Variants in DLG2 observed in about 807,000 individuals in gnomAD.
DLG2 encodes disks large homolog 2.
In DLG2, 45 loss-of-function variants were observed where a neutral mutation model predicts 132.5. That is an observed-to-expected ratio of 0.34 (90% CI 0.27 to 0.44). The LOEUF (loss-of-function observed/expected upper bound fraction) is 0.44, where lower values mean the gene tolerates loss of function less well. DLG2 is among the 20% of genes least tolerant of loss of function. DLG2 has a pLI of 1.00. For missense variants in DLG2, 1,045 were observed against 1,196.9 expected (o/e 0.87, Z 1.87); for synonymous variants, 424 against 419.6 (o/e 1.01, Z -0.13).
At chr11:84,493,905 G>T (rs995289864) in intron 7 of DLG2, among the ~76,000 whole-genome samples, 11 of 152,126 alleles carry the variant, frequency 7.2e-5, no homozygotes, top group Non-Finnish European at 1.6e-4. Flanking sequence ...GCTGAGGTAA[G>T]TATCTTGGCC....
intron 6 of DLG2, among the ~76,000 whole-genome samples, chr11:84,757,438 C>T (rs933035110): frequency 2.6e-5 from 4 of 152,024 alleles, no homozygotes; most frequent in Non-Finnish European, 4.4e-5. Context: ...ACATACACAC[C>T]TTTTATCACA....
At chr11:83,939,380 A>C (rs576336575) in intron 14 of DLG2, among the ~76,000 whole-genome samples, 57 of 152,238 alleles carry the variant, frequency 3.7e-4, no homozygotes, top group African/African-American at 1.3e-3. Flanking sequence ...TATACTCCCC[A>C]CATCTTCATA....
At chr11:83,758,605 C>T (rs921633929) in intron 18 of DLG2, among the ~76,000 whole-genome samples, 1 of 152,034 alleles carries the variant, frequency 6.6e-6, no homozygotes, top group Non-Finnish European at 1.5e-5. Context: ...GTCTCAGTGT[C>T]CTAATGTGTA....
chr11:85,162,105 C>T (rs1195526701), intron 4 of DLG2, among the ~76,000 whole-genome samples: 4 of 152,296 alleles, frequency 2.6e-5, no homozygotes, highest in Admixed American at 6.5e-5. Context: ...GGGCTCCTCC[C>T]ACTTTTAAGT....
chr11:84,657,788 C>T (rs564897007), intron 6 of DLG2, among the ~76,000 whole-genome samples: 36 of 152,312 alleles, frequency 2.4e-4, no homozygotes, highest in African/African-American at 8.4e-4. Flanking sequence ...CCACACTCAA[C>T]TGCAGGATCT....
intron 9 of DLG2, among the ~76,000 whole-genome samples, chr11:84,121,726 T>C (rs540775518): frequency 1.4e-4 from 21 of 151,656 alleles, no homozygotes; most frequent in African/African-American, 4.6e-4. Flanking sequence ...CACGCCTGGC[T>C]AATTTTTTGT....
At chr11:84,544,094 C>A (rs2099384711) in intron 6 of DLG2, among the ~76,000 whole-genome samples, 1 of 152,222 alleles carries the variant, frequency 6.6e-6, no homozygotes, top group Non-Finnish European at 1.5e-5. Flanking sequence ...TACTCTAGCT[C>A]AGTGCCACCC....
At chr11:85,164,405 T>C (rs962878582) in intron 4 of DLG2, among the ~76,000 whole-genome samples, 12 of 152,164 alleles carry the variant, frequency 7.9e-5, no homozygotes, top group African/African-American at 2.9e-4. Flanking sequence ...ATACCAGATG[T>C]TGTCCCATAT....
chr11:85,448,997 A>C (rs1160890606), intron 3 of DLG2, among the ~76,000 whole-genome samples: 2 of 152,086 alleles, frequency 1.3e-5, no homozygotes, highest in Non-Finnish European at 2.9e-5. Context: ...TATCAAATGA[A>C]ACTCAGTCAT....
At chr11:84,502,277 TCC>T (rs2099215843) in intron 7 of DLG2, among the ~76,000 whole-genome samples, 1 of 60,856 alleles carries the variant, frequency 1.6e-5, no homozygotes, top group South Asian at 7.1e-4. Context: ...CTTCCTTCCT[TCC>T]TTCTTTCTTT....
chr11:85,609,467 C>G (rs1465409712), intron 2 of DLG2, among the ~76,000 whole-genome samples: 2 of 152,134 alleles, frequency 1.3e-5, no homozygotes, highest in African/African-American at 2.4e-5. Context: ...TTTGGTGGTT[C>G]AAAGAGGTCA....
intron 6 of DLG2, among the ~76,000 whole-genome samples, chr11:85,109,829 G>A (rs761821097): frequency 1.3e-5 from 2 of 152,042 alleles, no homozygotes; most frequent in African/African-American, 2.4e-5. Context: ...ACGTTCTATG[G>A]TATTCTCTTA....
chr11:84,297,130 G>GAA (rs1371157932), intron 7 of DLG2, among the ~76,000 whole-genome samples: 44,481 of 146,402 alleles, frequency 0.3, 7,454 homozygotes, highest in Non-Finnish European at 0.39. Context: ...CAAAGAATTT[G>GAA]AAAAAAAAAA....
chr11:83,807,609 A>G (rs1056107577), intron 17 of DLG2, among the ~76,000 whole-genome samples: 1 of 152,158 alleles, frequency 6.6e-6, no homozygotes. Flanking sequence ...GAGAACAGAA[A>G]AGAAAAGGAG....
In DLG2 at chr11:85,602,173, C is replaced by T. The variant is rs527295069; in HGVS notation, c.-92-3385G>A. Among the ~76,000 whole-genome samples, 5 of 152,268 alleles carry T rather than the reference C, an allele frequency of 3.3e-5. No homozygotes were observed. In the South Asian group the frequency reaches 6.2e-4, roughly 19 times the overall value. On this transcript the variant is annotated intron_variant, in intron 2 of 27. Coordinates refer to ENST00000376104, the MANE Select transcript of DLG2 (RefSeq NM_001142699.3). ...CTTCCAATTATTCAGACCCAAATTC[C>T]TGAAGTCAGCATTCATTCTTTTCTC...
At chr11:85,276,003 C>T (rs2077868766) in intron 4 of DLG2, among the ~76,000 whole-genome samples, 1 of 152,200 alleles carries the variant, frequency 6.6e-6, no homozygotes, top group African/African-American at 2.4e-5. Context: ...ATAAAGCTCT[C>T]CATGGACGGA....
chr11:84,528,470 C>A (rs555547032), intron 7 of DLG2, among the ~76,000 whole-genome samples: 1 of 152,172 alleles, frequency 6.6e-6, no homozygotes, highest in Non-Finnish European at 1.5e-5. Flanking sequence ...GATACTCAAA[C>A]CTGTGACAGT....
chr11:84,746,451 A>T (rs2065379351), intron 6 of DLG2, among the ~76,000 whole-genome samples: 2 of 151,790 alleles, frequency 1.3e-5, no homozygotes, highest in African/African-American at 4.8e-5. Flanking sequence ...ATTAAAAAAA[A>T]AAAAAGGACA....
At chr11:85,184,556 A>G (rs956465261) in intron 4 of DLG2, among the ~76,000 whole-genome samples, 2 of 151,872 alleles carry the variant, frequency 1.3e-5, no homozygotes, top group Non-Finnish European at 2.9e-5. Context: ...GCTTGGAGAT[A>G]TAACTGTTAT....
Sources: gnomAD v4.1 joint callset for allele counts (sites outside exome capture counted in the v4.1 genomes callset) on GRCh38, gnomAD v4.1.1 for gene constraint, MANE v1.5 for transcripts, NCBI Gene and HGNC (gene_info 2026-07-23, HGNC 2026-07-21) for gene names.